The following GALNT5 variants were observed in gnomAD, a reference collection of about 807,000 sequenced individuals.
The protein encoded by GALNT5 is polypeptide N-acetylgalactosaminyltransferase 5, also known as UDP-GalNAc:polypeptide N-acetylgalactosaminyltransferase 5.
GALNT5 carries 72 observed loss-of-function variants against 85.4 expected under a neutral mutation model. The ratio of observed to expected loss-of-function variants is 0.84; its 90% CI spans 0.70 to 1.03. The LOEUF (loss-of-function observed/expected upper bound fraction) is 1.03, where lower values mean the gene tolerates loss of function less well. Ranked by LOEUF, GALNT5 falls within the 50% of genes least tolerant of loss-of-function variation. The probability of loss-of-function intolerance (pLI) is 0.00; values close to 1 mark genes in which losing one functional copy is unlikely to be tolerated. For synonymous variants in GALNT5, 404 were observed against 397.0 expected (o/e 1.02, Z -0.21); for missense variants, 1,137 against 1,135.5 (o/e 1.00, Z -0.02).
chr2:157,303,158 T>C (rs1683375693), intron 7 of GALNT5, among the ~76,000 whole-genome samples: 1 of 152,228 alleles, frequency 6.6e-6, no homozygotes, highest in Non-Finnish European at 1.5e-5. Flanking sequence ...CCAACAATAT[T>C]TGAAGCTAAT....
At position 157,284,431 on chromosome 2, in the gene GALNT5, A is replaced by G. The variant is rs1296722247; in HGVS notation, c.1604A>G (p.Asp535Gly). ...PHLIKEILLV[D>G]DFSTKDYLKD... Reference sequence around the variant, plus strand: ...CTCATCAAGGAGATTCTGCTGGTAGATGACTTCAGCACCAAAGGTAAGAAA... The same window carrying G: ...CTCATCAAGGAGATTCTGCTGGTAGGTGACTTCAGCACCAAAGGTAAGAAA... The change falls in exon 2 of 10, where the codon GAT becomes GGT. Residue 535 changes from aspartate (D) to glycine (G), a missense_variant. Transcript: ENST00000259056. 4 of 1,613,766 alleles carry G rather than the reference A, an allele frequency of 2.5e-6. No homozygotes were observed. Among genetic ancestry groups the G allele is most frequent in the Non-Finnish European group, 3.4e-6 (4 of 1,179,736 alleles).
rs759714334 is a variant in GALNT5 at position 157,295,765 on chromosome 2, C to A, written c.1844C>A (p.Pro615Gln). 3.7e-6 allele frequency: 6 copies of A among 1,608,306 alleles called. No individual in the cohort carries two copies. The highest frequency in any genetic ancestry group is 5.1e-6 in the Non-Finnish European group (6 of 1,175,114). ...VYLSRKKVAC[P>Q]VIEVINDKDM... ...TTAAGTAGAAAGAAAGTGGCCTGTC[C>A]AGTAATCGAAGTCATCAATGATAAG... Residue 615 changes from proline to glutamine, a missense_variant, in exon 4 of 10, where the codon CCA becomes CAA. By Grantham distance (76) the Pro-to-Gln change is moderately conservative (BLOSUM62 -1). Coordinates refer to ENST00000259056, the MANE Select transcript of GALNT5 (RefSeq NM_014568.3).
At chr2:157,305,704 A>G (rs561404257) in intron 7 of GALNT5, 45 bp from the exon 8 acceptor site, 1 of 1,076,384 alleles carries the variant, frequency 9.3e-7, no homozygotes, top group South Asian at 1.3e-5. Context: ...GTCTTGTTTT[A>G]CTTTAAAATA....
chr2:157,298,817 G>C (rs1418885882), intron 5 of GALNT5: 1 of 152,318 alleles, frequency 6.6e-6, no homozygotes, highest in Non-Finnish European at 1.5e-5. Context: ...AGACTGCCCA[G>C]AGCAAACCCA....
chr2:157,286,180 T>G, intron 3 of GALNT5, 46 bp downstream of exon 3: 1 of 1,523,750 alleles, frequency 6.6e-7, no homozygotes, highest in Non-Finnish European at 9.1e-7. Context: ...TTATTTTAAT[T>G]TAAAATGTTT....
intron 1 of GALNT5, 28 bp from the exon 2 acceptor site, chr2:157,284,254 C>G: frequency 6.2e-7 from 1 of 1,602,968 alleles, no homozygotes; most frequent in African/African-American, 1.3e-5. Flanking sequence ...TAGCACATCT[C>G]TTGTGCTCTG....
chr2:157,281,051 A>ATTTCTTTC (rs113379473), intron 1 of GALNT5, among the ~76,000 whole-genome samples: 2 of 151,668 alleles, frequency 1.3e-5, no homozygotes, highest in Non-Finnish European at 2.9e-5. Context: ...AGTCTCAGGT[A>ATTTCTTTC]TTTCTTTCTT....
At chr2:157,276,459 T>G (rs1374175232) in intron 1 of GALNT5, among the ~76,000 whole-genome samples, 3 of 152,162 alleles carry the variant, frequency 2.0e-5, no homozygotes, top group Admixed American at 6.5e-5. Flanking sequence ...GGTCCTGGAC[T>G]TTTTTTGACT....
At position 157,300,981 on chromosome 2, in the gene GALNT5, TGTGAGAGCTAGTG is replaced by T; in HGVS notation, c.2425_2437del (p.Arg809CysfsTer37). 1.2e-6 allele frequency: 2 copies of T among 1,612,770 alleles called. No individual in the cohort carries two copies. The highest frequency in any genetic ancestry group is 1.7e-6 in the Non-Finnish European group (2 of 1,178,948). ...TCTTTCCTGACTTAAGGGCTCCCAT[TGTGAGAGCTAGTG>T]GTGTGGTAAGTTCAAGTGGCAATTT... is the stretch of plus-strand genomic sequence containing the variant. On this transcript the variant is annotated frameshift_variant, in exon 7 of 10. Coordinates refer to ENST00000259056, the MANE Select transcript of GALNT5 (RefSeq NM_014568.3). LOFTEE classifies it high-confidence loss of function.
At chr2:157,303,527 G>A (rs1229993339) in intron 7 of GALNT5, among the ~76,000 whole-genome samples, 2 of 151,998 alleles carry the variant, frequency 1.3e-5, no homozygotes, top group Non-Finnish European at 2.9e-5. Context: ...ATGGTTTACA[G>A]TAAAAACATG....
rs1683743254 is a variant in GALNT5 at position 157,317,549 on chromosome 2, C to A, written c.*6201C>A. Among the ~76,000 whole-genome samples the A allele has an allele frequency of 6.6e-6, 1 of 151,988 alleles. No individual in the cohort carries two copies. The highest frequency in any genetic ancestry group is 1.5e-5 in the Non-Finnish European group (1 of 67,948). On this transcript the variant is annotated 3_prime_UTR_variant, in exon 10 of 10. Transcript: ENST00000259056. The stretch of plus-strand genomic sequence containing the variant: ...GTAAGTGAATTGTGTTAAAGATTGC[C>A]TGAAAACATTTGCTAAGGGGAGAAT...
intron 1 of GALNT5, among the ~76,000 whole-genome samples, chr2:157,270,046 G>A (rs1366344003): frequency 6.6e-6 from 1 of 151,710 alleles, no homozygotes; most frequent in Non-Finnish European, 1.5e-5. Context: ...AGTTAGAGAT[G>A]AGGAAGTCAT....
intron 1 of GALNT5, among the ~76,000 whole-genome samples, 169 bp downstream of exon 1, chr2:157,259,705 CT>C (rs1342536385): frequency 6.6e-6 from 1 of 152,202 alleles, no homozygotes; most frequent in African/African-American, 2.4e-5. Context: ...GACAAAAATT[CT>C]CTTATTAGCA....
Position 157,259,111 on chromosome 2 carries a change from CA to C in GALNT5, c.1033del (p.Thr345GlnfsTer41). The C allele has an allele frequency of 6.8e-7, 1 of 1,471,642 alleles. No homozygotes were observed. The highest frequency in any genetic ancestry group is 9.0e-7 in the Non-Finnish European group (1 of 1,109,072). 91.2% of individuals were successfully genotyped at this position (1,471,642 alleles called of 1,614,324 possible). A position where few individuals can be genotyped will look rare whatever the true frequency, so the allele number is the denominator to read the frequency against. On this transcript the variant is annotated frameshift_variant, in exon 1 of 10. Coordinates refer to ENST00000259056, the MANE Select transcript of GALNT5 (RefSeq NM_014568.3). LOFTEE classifies it high-confidence loss of function. ...DPKEVSNSKT[K>X]TIFPKVLGKS... The stretch of plus-strand genomic sequence containing the variant: ...CCAAAGAGGTCTCTAATTCTAAAAC[CA>C]AAACAATATTTCCTAAAGTATTGGG...
rs35430045 is a variant in GALNT5, at chr2:157,273,630, CTTTTTT to C, written c.1455-10628_1455-10623del. On this transcript the variant is annotated intron_variant, in intron 1 of 9. Transcript: ENST00000259056. ...TTATTTGAAAACAGCATATTTCTTG[CTTTTTT>C]TTTTTTTTTTTTTTTTTTTTTTTGA... Among the ~76,000 whole-genome samples, 100 of 23,736 alleles carry C rather than the reference CTTTTTT, an allele frequency of 4.2e-3. No individual in the cohort carries two copies. The East Asian group carries it at 0.14, about 34-fold the overall frequency. The allele number at this position is 23,736 out of a possible 152,430, so 15.6% of individuals were successfully genotyped here. A position where few individuals can be genotyped will look rare whatever the true frequency, so the allele number is the denominator to read the frequency against.
intron 2 of GALNT5, among the ~76,000 whole-genome samples, chr2:157,285,244 A>G (rs1170683214): frequency 1.3e-5 from 2 of 152,200 alleles, no homozygotes; most frequent in African/African-American, 4.8e-5. Context: ...GGGATGATAG[A>G]GAAAAACTGG....
intron 1 of GALNT5, among the ~76,000 whole-genome samples, chr2:157,261,812 T>G (rs1203097724): frequency 1.3e-5 from 2 of 152,044 alleles, no homozygotes; most frequent in African/African-American, 2.4e-5. Flanking sequence ...AGATTTGGAG[T>G]GTTTTTTGTT....
intron 7 of GALNT5, chr2:157,301,391 A>T (rs1480023525): frequency 1.3e-5 from 3 of 227,046 alleles, no homozygotes; most frequent in Non-Finnish European, 2.6e-5. Flanking sequence ...GCCACAGTTG[A>T]TGACTCCTCA....
At chr2:157,285,835 A>C (rs1247945907) in intron 2 of GALNT5, among the ~76,000 whole-genome samples, 180 bp from the exon 3 acceptor site, 1 of 152,240 alleles carries the variant, frequency 6.6e-6, no homozygotes, top group Non-Finnish European at 1.5e-5. Flanking sequence ...TTGAATACTG[A>C]AACCAGATAG....
Sources: gnomAD v4.1 joint callset for allele counts (sites outside exome capture counted in the v4.1 genomes callset) on GRCh38, gnomAD v4.1.1 for gene constraint, MANE v1.5 for transcripts, NCBI Gene and HGNC (gene_info 2026-07-23, HGNC 2026-07-21) for gene names.